Variants in ARHGEF10L observed in about 807,000 individuals in gnomAD.
ARHGEF10L encodes the protein rho guanine nucleotide exchange factor 10-like protein.
Under a neutral mutation model 141.2 loss-of-function variants are expected in ARHGEF10L, and 69 were observed. That is an observed-to-expected ratio of 0.49 (90% CI 0.40 to 0.60). ARHGEF10L has a LOEUF of 0.60. Among genes scored for constraint, ARHGEF10L ranks in the 20% least tolerant of loss-of-function variants. The pLI, the probability that ARHGEF10L is intolerant of heterozygous loss-of-function variation, is 0.00. For synonymous variants in ARHGEF10L, 711 were observed against 718.5 expected (o/e 0.99, Z 0.17); for missense variants, 1,482 against 1,734.3 (o/e 0.85, Z 2.58).
At chr1:17,664,425 T>C (rs759978617) in intron 25 of ARHGEF10L, 22 bp from the exon 26 acceptor site, 1 of 1,597,738 alleles carries the variant, frequency 6.3e-7, no homozygotes, top group East Asian at 2.2e-5. Flanking sequence ...GCCCCTGACC[T>C]GCCTCCCCTC....
In ARHGEF10L at chr1:17,644,110, A is replaced by G. The variant is rs553422911; in HGVS notation, c.2272+3808A>G. Among the ~76,000 whole-genome samples the G allele has an allele frequency of 2.0e-5, 3 of 152,358 alleles. No homozygotes were observed. The South Asian group carries it at 6.2e-4, about 32-fold the overall frequency. ...CTTCTCATTCCCACCTCTCAAGGGG[A>G]CATGGGCCTGGCAGGCCATGGCTAA... On this transcript the variant is annotated intron_variant, in intron 21 of 28. Coordinates refer to ENST00000361221, the MANE Select transcript of ARHGEF10L (RefSeq NM_018125.4). The surrounding 1 kb of genome is among the most constrained non-coding windows in gnomAD (Gnocchi z 4.5).
chr1:17,687,697 A>C lies in ARHGEF10L; in HGVS notation c.3134A>C (p.Glu1045Ala), dbSNP rs1432856142. ...CGCCTCTTCCACACTGAGACCCTGG[A>C]GCATCTGCAAGAGATCAACATCGCC... The part of the protein sequence containing the change: ...SIRLFHTETL[E>A]HLQEINIATR... Residue 1045 changes from glutamate to alanine, a missense_variant, in exon 27 of 29, where the codon GAG (glutamate) becomes GCG (alanine). This residue lies in a region of ARHGEF10L where 858 missense variants were observed against 966.3 expected (regional missense o/e 0.89). Coordinates refer to ENST00000361221, the MANE Select transcript of ARHGEF10L (RefSeq NM_018125.4). 1.2e-6 allele frequency: 2 copies of C among 1,604,868 alleles called. No homozygotes were observed. The highest frequency in any genetic ancestry group is 4.5e-5 in the East Asian group (2 of 44,596).
the ARHGEF10L span, among the ~76,000 whole-genome samples, chr1:17,518,816 A>G: frequency 2.5e-5 from 3 of 118,158 alleles, no homozygotes; most frequent in African/African-American, 8.5e-5. Context: ...AAAAAAAAAA[A>G]AAAAAAAAAG....
intron 1 of ARHGEF10L, among the ~76,000 whole-genome samples, chr1:17,554,184 G>T (rs866709136): frequency 6.6e-6 from 1 of 152,180 alleles, no homozygotes; most frequent in East Asian, 1.9e-4. Context: ...CTTGAGAAAT[G>T]ATGTTGAGTC....
intron 18 of ARHGEF10L, 105 bp downstream of exon 18, chr1:17,635,121 T>A: frequency 7.3e-7 from 1 of 1,372,200 alleles, no homozygotes; most frequent in Non-Finnish European, 1.0e-6. Context: ...GACCCCTACA[T>A]AGGCTGATGG....
At chr1:17,631,688 A>G (rs745619125) in intron 15 of ARHGEF10L, among the ~76,000 whole-genome samples, 1 of 152,232 alleles carries the variant, frequency 6.6e-6, no homozygotes, top group Non-Finnish European at 1.5e-5. Context: ...GACCTGTGCC[A>G]TCATACATGG....
chr1:17,522,235 C>A, the ARHGEF10L span, among the ~76,000 whole-genome samples: 1 of 152,308 alleles, frequency 6.6e-6, no homozygotes, highest in East Asian at 1.9e-4. Flanking sequence ...GCCTGTCCAC[C>A]CCACCTTGCC....
Position 17,640,254 on chromosome 1 carries a change from A to G in ARHGEF10L, c.2224A>G (p.Ser742Gly). ...MVVFITPNPL[S>G]KISWVNRLHL... ...GGTTTTCATCACCCCCAACCCCCTGAGCAAGATTTCCTGGGTCAACAGGTT... is the reference window on the plus strand; with the variant it reads ...GGTTTTCATCACCCCCAACCCCCTGGGCAAGATTTCCTGGGTCAACAGGTT... Residue 742 changes from serine (S) to glycine (G), a missense_variant, in exon 21 of 29, where the codon AGC becomes GGC. This residue lies in a region of ARHGEF10L where 858 missense variants were observed against 966.3 expected (regional missense o/e 0.89). Transcript: ENST00000361221. 1.2e-6 allele frequency: 2 copies of G among 1,613,400 alleles called. No homozygotes were observed. The highest frequency in any genetic ancestry group is 2.2e-5 in the East Asian group (1 of 44,876).
intron 1 of ARHGEF10L, among the ~76,000 whole-genome samples, chr1:17,557,356 C>G: frequency 6.7e-6 from 1 of 148,432 alleles, no homozygotes; most frequent in Non-Finnish European, 1.5e-5. Context: ...AAAAAAAAAA[C>G]AAAAAAAACC....
chr1:17,617,108 G>A (rs77166202), intron 9 of ARHGEF10L, among the ~76,000 whole-genome samples: 15,266 of 152,220 alleles, frequency 0.1, 929 homozygotes, highest in Non-Finnish European at 0.13. Context: ...TGGCGGAAGT[G>A]AGGGCGGGCA....
chr1:17,663,091 G>A (rs1360472099), intron 25 of ARHGEF10L, among the ~76,000 whole-genome samples: 2 of 152,192 alleles, frequency 1.3e-5, no homozygotes, highest in Non-Finnish European at 2.9e-5. Context: ...GTGGCATCAG[G>A]TGTGACTTCT....
intron 8 of ARHGEF10L, among the ~76,000 whole-genome samples, chr1:17,613,783 T>G (rs2059663303): frequency 6.6e-6 from 1 of 152,220 alleles, no homozygotes; most frequent in Non-Finnish European, 1.5e-5. Context: ...GGCATGGACT[T>G]TCGAGGTCTG....
At chr1:17,555,546 G>T (rs1301182129) in intron 1 of ARHGEF10L, among the ~76,000 whole-genome samples, 1 of 152,038 alleles carries the variant, frequency 6.6e-6, no homozygotes, top group East Asian at 1.9e-4. Flanking sequence ...GTAGAGACGG[G>T]GTTTCTCCAT....
chr1:17,566,636 G>C (rs1389712594), intron 1 of ARHGEF10L, among the ~76,000 whole-genome samples: 1 of 152,164 alleles, frequency 6.6e-6, no homozygotes, highest in Non-Finnish European at 1.5e-5. Flanking sequence ...CTGTGTGGAT[G>C]CAGTGTTGGG....
chr1:17,546,161 G>A (rs1425133733), intron 1 of ARHGEF10L, among the ~76,000 whole-genome samples: 1 of 152,050 alleles, frequency 6.6e-6, no homozygotes, highest in Non-Finnish European at 1.5e-5. Context: ...AAAAATCTTT[G>A]AGGTTTCTTG....
intron 1 of ARHGEF10L, among the ~76,000 whole-genome samples, chr1:17,556,271 GCGGGGGGGGGGCCTGGGAGCACA>G (rs2077317173): frequency 4.1e-5 from 3 of 73,148 alleles, no homozygotes; most frequent in Non-Finnish European, 8.4e-5. Flanking sequence ...GAGCATGGCG[GCGGGGGGGGGGCCTGGGAGCACA>G]GGGCGGGCCT....
chr1:17,587,498 G>A lies in ARHGEF10L; in HGVS notation c.76G>A (p.Glu26Lys), dbSNP rs1254054881. 1 of 1,614,110 alleles carries A rather than the reference G, an allele frequency of 6.2e-7. No homozygotes were observed. The highest frequency in any genetic ancestry group is 1.7e-5 in the Admixed American group (1 of 60,020). The change falls in exon 3 of 29, where the codon GAG (glutamate) becomes AAG (lysine). Residue 26 changes from glutamate (E) to lysine (K), a missense_variant. Physicochemically the swap from Glu to Lys is moderately conservative, Grantham distance 56. Around this residue, in one of 3 missense-constraint regions of ARHGEF10L, gnomAD observed 232 missense variants for 225.9 expected, o/e 1.03. Coordinates refer to ENST00000361221, the MANE Select transcript of ARHGEF10L (RefSeq NM_018125.4). ...TCCAGGAGTCCCAGGCCCCTCCTCTGAGGCAGAGGACGACCCAGGAGAGGC... is the reference window on the plus strand; with the variant it reads ...TCCAGGAGTCCCAGGCCCCTCCTCTAAGGCAGAGGACGACCCAGGAGAGGC... ...LVPGVPGPSSEAEDDPGEAFE... is the reference protein window; with the variant it reads ...LVPGVPGPSSKAEDDPGEAFE...
At chr1:17,635,127 G>A in intron 18 of ARHGEF10L, 111 bp downstream of exon 18, 2 of 1,330,314 alleles carry the variant, frequency 1.5e-6, no homozygotes, top group Non-Finnish European at 2.1e-6. Flanking sequence ...TACATAGGCT[G>A]ATGGGTGGCT....
intron 27 of ARHGEF10L, chr1:17,694,205 C>G (rs2065319329): frequency 6.6e-6 from 1 of 152,394 alleles, no homozygotes; most frequent in South Asian, 2.1e-4. Context: ...AAATACGGTC[C>G]TATAGGACTG....
Sources: allele counts gnomAD v4.1 joint callset (sites outside exome capture counted in the v4.1 genomes callset), GRCh38; gene constraint gnomAD v4.1.1; regional missense constraint gnomAD v4.1.1; non-coding constraint Gnocchi (gnomAD v3.1); transcripts MANE v1.5; gene names NCBI Gene and HGNC (gene_info 2026-07-23, HGNC 2026-07-21).